STK32A: variants seen among roughly 807,000 people sequenced by gnomAD.
STK32A encodes the protein serine/threonine-protein kinase 32A.
STK32A carries 41 observed loss-of-function variants against 53.2 expected under a neutral mutation model. That is an observed-to-expected ratio of 0.77 (90% CI 0.60 to 1.00). The LOEUF (loss-of-function observed/expected upper bound fraction) is 1.00. STK32A is among the 50% of genes least tolerant of loss of function. STK32A has a pLI of 0.00. For synonymous variants in STK32A, 166 were observed against 162.8 expected (o/e 1.02, Z -0.15); for missense variants, 458 against 485.8 (o/e 0.94, Z 0.54).
chr5:147,265,338 G>T (rs1754759629), intron 2 of STK32A, among the ~76,000 whole-genome samples: 1 of 151,928 alleles, frequency 6.6e-6, no homozygotes, highest in Non-Finnish European at 1.5e-5. Flanking sequence ...AAATTGTCAT[G>T]CCTCACCATT....
Position 147,375,191 on chromosome 5 carries a change from G to C in STK32A, c.1005G>C (p.Lys335Asn), listed in dbSNP as rs371716764. The change falls in exon 11 of 13, where the codon AAG (lysine) becomes AAC (asparagine). Residue 335 changes from lysine to asparagine, a missense_variant. Lys to Asn is a moderately conservative substitution (Grantham distance 94, BLOSUM62 0). Coordinates refer to ENST00000397936, the MANE Select transcript of STK32A (RefSeq NM_001112724.2). ...KKKKRLAKKE[K>N]DMRKCDSSQT... is the part of the protein sequence containing the mutation. ...AAAAGCGTCTGGCAAAGAAGGAGAA[G>C]GATATGAGGAAATGCGATTCTTCTC... 35 of 1,610,942 alleles carry C rather than the reference G, an allele frequency of 2.2e-5. No homozygotes were observed. The African/African-American group carries it at 4.4e-4, about 20-fold the overall frequency.
At chr5:147,341,864 T>A (rs1244451130) in intron 5 of STK32A, among the ~76,000 whole-genome samples, 2 of 152,002 alleles carry the variant, frequency 1.3e-5, no homozygotes, top group African/African-American at 4.8e-5. Flanking sequence ...ACTAAAAAAA[T>A]TAAAATAGCA....
chr5:147,320,150 C>T (rs1754235512), intron 4 of STK32A, among the ~76,000 whole-genome samples: 1 of 152,178 alleles, frequency 6.6e-6, no homozygotes, highest in Non-Finnish European at 1.5e-5. Context: ...GATTTCACAA[C>T]TCCTTAAAGG....
intron 6 of STK32A, among the ~76,000 whole-genome samples, chr5:147,350,850 T>A (rs1393921363): frequency 6.6e-6 from 1 of 152,168 alleles, no homozygotes; most frequent in Non-Finnish European, 1.5e-5. Flanking sequence ...AGGGTAAAAC[T>A]TTCTGAGGCT....
intron 2 of STK32A, among the ~76,000 whole-genome samples, chr5:147,247,861 C>CCTGT (rs1753822346): frequency 6.6e-6 from 1 of 152,030 alleles, no homozygotes; most frequent in African/African-American, 2.4e-5. Context: ...GTGGCTCATG[C>CCTGT]CTGTAATCCC....
intron 4 of STK32A, among the ~76,000 whole-genome samples, chr5:147,310,506 G>T (rs934967278): frequency 6.6e-6 from 1 of 152,088 alleles, no homozygotes; most frequent in Non-Finnish European, 1.5e-5. Context: ...GACTCAGCAC[G>T]CCGGGCACCT....
Position 147,294,450 on chromosome 5 carries a change from C to T in STK32A, c.260+15052C>T, listed in dbSNP as rs531895230. Among the ~76,000 whole-genome samples, 6 of 151,930 alleles carry T rather than the reference C, an allele frequency of 3.9e-5. No individual in the cohort carries two copies. The South Asian group carries it at 6.2e-4, about 16-fold the overall frequency. On this transcript the variant is annotated intron_variant, in intron 4 of 12. Coordinates refer to ENST00000397936, the MANE Select transcript of STK32A (RefSeq NM_001112724.2). ...CTAATTTTTGTATTTTTAGTACAGA[C>T]GGGGTTTCACCATATTGGCCAGGCT...
chr5:147,273,805 G>C (rs1331464678), intron 2 of STK32A, among the ~76,000 whole-genome samples: 1 of 152,102 alleles, frequency 6.6e-6, no homozygotes, highest in Admixed American at 6.6e-5. Context: ...CTTACTTTCT[G>C]TTTTTAAAAT....
rs1757079777 is a variant in STK32A, at chr5:147,373,227, C to T, written c.836C>T (p.Pro279Leu). ...CAGTTATCTGATGTCCAGAACTTCC[C>T]GTATATGAATGATATAAACTGGGAT... ...FSQLSDVQNF[P>L]YMNDINWDAV... is the part of the protein sequence containing the mutation. The change falls in exon 10 of 13, where the codon CCG becomes CTG. Residue 279 changes from proline (P) to leucine (L), a missense_variant. Transcript: ENST00000397936. The T allele has an allele frequency of 1.4e-5, 22 of 1,613,266 alleles. No individual in the cohort carries two copies. Among genetic ancestry groups the T allele is most frequent in the Non-Finnish European group, 1.5e-5 (18 of 1,179,588 alleles).
At chr5:147,354,160 A>G (rs1264099509) in intron 7 of STK32A, among the ~76,000 whole-genome samples, 1 of 152,196 alleles carries the variant, frequency 6.6e-6, no homozygotes, top group Non-Finnish European at 1.5e-5. Flanking sequence ...AGTGGGGGGA[A>G]TAAATCTCTT....
At chr5:147,263,319 A>C (rs1754666422) in intron 2 of STK32A, among the ~76,000 whole-genome samples, 1 of 152,244 alleles carries the variant, frequency 6.6e-6, no homozygotes, top group Non-Finnish European at 1.5e-5. Flanking sequence ...ACACTATAGA[A>C]GTTTATTGCT....
intron 11 of STK32A, 107 bp from the exon 12 acceptor site, chr5:147,383,334 A>C: frequency 2.2e-6 from 2 of 901,910 alleles, no homozygotes; most frequent in Non-Finnish European, 3.5e-6. Flanking sequence ...TTACTTCTCA[A>C]TTTGGGGCTA....
chr5:147,278,032 A>C, intron 2 of STK32A, 92 bp from the exon 3 acceptor site: 1 of 1,098,468 alleles, frequency 9.1e-7, no homozygotes, highest in Non-Finnish European at 1.3e-6. Context: ...GTTTTAGACA[A>C]GATACTTCAG....
rs373180851 is a variant in STK32A at position 147,301,190 on chromosome 5, A to C, written c.260+21792A>C. On this transcript the variant is annotated intron_variant, in intron 4 of 12. Transcript: ENST00000397936. The stretch of plus-strand genomic sequence containing the variant: ...AGGTGGTCCTTGTTATGTAGATGAA[A>C]TCTCACAAGTAGCAACTCTCAGAAA... Among the ~76,000 whole-genome samples the C allele has an allele frequency of 3.9e-5, 6 of 152,284 alleles. No individual in the cohort carries two copies. In the South Asian group the frequency reaches 1.2e-3, roughly 32 times the overall value.
chr5:147,260,661 C>T (rs1221137958), intron 2 of STK32A, among the ~76,000 whole-genome samples: 2 of 152,092 alleles, frequency 1.3e-5, no homozygotes, highest in Non-Finnish European at 2.9e-5. Context: ...TGACCTGTTT[C>T]CCCCACTCTG....
intron 2 of STK32A, among the ~76,000 whole-genome samples, chr5:147,261,276 G>A (rs1326687456): frequency 2.6e-5 from 4 of 152,170 alleles, no homozygotes; most frequent in African/African-American, 9.7e-5. Flanking sequence ...GCCCAGCAAG[G>A]TACTTCTATA....
chr5:147,353,197 CGTGT>C (rs1185481193), intron 7 of STK32A, among the ~76,000 whole-genome samples: 2 of 152,128 alleles, frequency 1.3e-5, no homozygotes, highest in African/African-American at 4.8e-5. Context: ...GATAGAAGGA[CGTGT>C]GTGAGAGCCA....
chr5:147,313,367 T>C (rs753988273), intron 4 of STK32A, among the ~76,000 whole-genome samples: 6 of 152,184 alleles, frequency 3.9e-5, no homozygotes, highest in Non-Finnish European at 8.8e-5. Context: ...GGTTGAGTAA[T>C]CATGTGACAT....
downstream of STK32A, among the ~76,000 whole-genome samples, chr5:147,390,551 G>A (rs1581165114): frequency 6.7e-6 from 1 of 150,214 alleles, no homozygotes; most frequent in Non-Finnish European, 1.5e-5. Context: ...TATCCCAAAT[G>A]GCATATAATA....
Sources: gnomAD v4.1 joint callset for allele counts (sites outside exome capture counted in the v4.1 genomes callset) on GRCh38, gnomAD v4.1.1 for gene constraint, MANE v1.5 for transcripts, NCBI Gene and HGNC (gene_info 2026-07-23, HGNC 2026-07-21) for gene names.